The following SLC8A3 variants were observed in gnomAD, a reference collection of about 807,000 sequenced individuals.
SLC8A3 encodes the protein sodium/calcium exchanger 3.
A neutral mutation model predicts 65.4 loss-of-function variants in SLC8A3; 37 were observed. The ratio of observed to expected loss-of-function variants is 0.57; its 90% confidence interval spans 0.44 to 0.74. The LOEUF is 0.74. SLC8A3 is among the 30% of genes least tolerant of loss of function. The probability of loss-of-function intolerance (pLI) is 0.00; values close to 1 mark genes in which losing one functional copy is unlikely to be tolerated. For synonymous variants in SLC8A3, 461 were observed against 444.5 expected (o/e 1.04, Z -0.47); for missense variants, 1,112 against 1,172.1 (o/e 0.95, Z 0.75).
At chr14:70,165,408 C>A (rs147653225) in intron 2 of SLC8A3, among the ~76,000 whole-genome samples, 23 of 152,286 alleles carry the variant, frequency 1.5e-4, no homozygotes, top group African/African-American at 4.6e-4. Context: ...TCCTCCTCCT[C>A]TTCTAGAGGT....
intron 1 of SLC8A3, among the ~76,000 whole-genome samples, chr14:70,182,500 G>A (rs1021007716): frequency 6.6e-6 from 1 of 152,032 alleles, no homozygotes; most frequent in Admixed American, 6.6e-5. Flanking sequence ...TGTGAAAGAA[G>A]CTGAAAGAGG....
At chr14:70,141,481 T>G (rs1176253117) in intron 2 of SLC8A3, among the ~76,000 whole-genome samples, 1 of 152,224 alleles carries the variant, frequency 6.6e-6, no homozygotes, top group Non-Finnish European at 1.5e-5. Context: ...TTACATTTAT[T>G]ACAGGGAGAT....
At chr14:70,120,247 A>T (rs1893963890) in intron 2 of SLC8A3, among the ~76,000 whole-genome samples, 1 of 152,258 alleles carries the variant, frequency 6.6e-6, no homozygotes, top group Non-Finnish European at 1.5e-5. Context: ...TTCTGCAGCT[A>T]GCGTGAAATA....
intron 2 of SLC8A3, among the ~76,000 whole-genome samples, chr14:70,102,773 G>GA (rs1165473601): frequency 2.6e-5 from 4 of 151,920 alleles, no homozygotes; most frequent in African/African-American, 9.7e-5. Context: ...AGAACATAGA[G>GA]AAAAAAATTG....
chr14:70,110,874 GTT>G (rs533153381), intron 2 of SLC8A3, among the ~76,000 whole-genome samples: 26 of 151,862 alleles, frequency 1.7e-4, no homozygotes, highest in Non-Finnish European at 3.2e-4. Flanking sequence ...TAGAGACGGG[GTT>G]TTACCGTGTT....
At chr14:70,174,662 G>GTTTTTTTTTTTTT (rs10527244) in intron 1 of SLC8A3, among the ~76,000 whole-genome samples, 19 of 66,518 alleles carry the variant, frequency 2.9e-4, no homozygotes, top group African/African-American at 4.6e-4. Flanking sequence ...TTTTTTTTTT[G>GTTTTTTTTTTTTT]TTTTTTTTTT....
intron 2 of SLC8A3, among the ~76,000 whole-genome samples, chr14:70,159,562 A>G (rs1896765493): frequency 6.6e-6 from 1 of 152,216 alleles, no homozygotes; most frequent in South Asian, 2.1e-4. Flanking sequence ...TTCATGTCCC[A>G]TCCAAAAACC....
chr14:70,061,495 A>C (rs1437298522), intron 2 of SLC8A3, among the ~76,000 whole-genome samples: 1 of 151,910 alleles, frequency 6.6e-6, no homozygotes, highest in East Asian at 1.9e-4. Flanking sequence ...TTAAAAGAAA[A>C]GTATTTATGA....
intron 2 of SLC8A3, among the ~76,000 whole-genome samples, chr14:70,068,916 G>A (rs1362268061): frequency 1.3e-5 from 2 of 151,982 alleles, no homozygotes; most frequent in South Asian, 2.1e-4. Flanking sequence ...TTCTAGAGAC[G>A]AGGTGTCACC....
intron 2 of SLC8A3, among the ~76,000 whole-genome samples, chr14:70,069,326 A>G (rs1889783035): frequency 6.6e-6 from 1 of 152,136 alleles, no homozygotes; most frequent in South Asian, 2.1e-4. Flanking sequence ...CATGCCAGAA[A>G]TAATCTCTGA....
intron 2 of SLC8A3, among the ~76,000 whole-genome samples, chr14:70,107,342 T>A (rs1892943139): frequency 6.6e-6 from 1 of 152,136 alleles, no homozygotes; most frequent in African/African-American, 2.4e-5. Flanking sequence ...ATACTTTTTA[T>A]CAGAATCCTT....
chr14:70,154,345 A>G (rs1896448839), intron 2 of SLC8A3, among the ~76,000 whole-genome samples: 1 of 152,264 alleles, frequency 6.6e-6, no homozygotes, highest in African/African-American at 2.4e-5. Flanking sequence ...TTAAAAGTGC[A>G]CAAAGTGTAA....
intron 3 of SLC8A3, among the ~76,000 whole-genome samples, chr14:70,055,149 T>C (rs556185864): frequency 6.6e-6 from 1 of 152,056 alleles, no homozygotes; most frequent in South Asian, 2.1e-4. Context: ...CAAAATAAAT[T>C]CTCTAAAATT....
intron 1 of SLC8A3, among the ~76,000 whole-genome samples, chr14:70,182,564 G>A (rs1882845202): frequency 6.6e-6 from 1 of 151,712 alleles, no homozygotes; most frequent in East Asian, 1.9e-4. Flanking sequence ...GAGAGAGAGA[G>A]AAAGAGGGAG....
chr14:70,080,442 G>A (rs746237055), intron 2 of SLC8A3, among the ~76,000 whole-genome samples: 5 of 152,144 alleles, frequency 3.3e-5, no homozygotes, highest in Admixed American at 6.5e-5. Context: ...GTAAAGGCTC[G>A]CAGGAAAAGA....
At chr14:70,137,353 A>T (rs1895270127) in intron 2 of SLC8A3, among the ~76,000 whole-genome samples, 1 of 152,000 alleles carries the variant, frequency 6.6e-6, no homozygotes, top group African/African-American at 2.4e-5. Flanking sequence ...GGGTTTCACC[A>T]TGTTGGTCTT....
intron 1 of SLC8A3, among the ~76,000 whole-genome samples, chr14:70,179,627 T>TCGTGAGTCTAATTCTATGTTG (rs1487789867): frequency 6.6e-6 from 1 of 151,962 alleles, no homozygotes. Flanking sequence ...ACATAGTGTT[T>TCGTGAGTCTAATTCTATGTTG]GGACAGAAGT....
At position 70,094,830 on chromosome 14, in the gene SLC8A3, CT is replaced by C. The variant is rs1389705983; in HGVS notation, c.1785-33892del. ...CAGGGCTGCTTATGTTTTCAAAGCACTTTCTCTTCTTTTATCTGTTTTTCCT... is the reference window on the plus strand; with the variant it reads ...CAGGGCTGCTTATGTTTTCAAAGCACTTCTCTTCTTTTATCTGTTTTTCCT... On this transcript the variant is annotated intron_variant, in intron 2 of 6. Coordinates refer to ENST00000356921, the MANE Select transcript of SLC8A3 (RefSeq NM_182932.3). Among the ~76,000 whole-genome samples the C allele has an allele frequency of 2.0e-5, 3 of 152,352 alleles. No individual in the cohort carries two copies. The East Asian group carries it at 5.8e-4, about 29-fold the overall frequency.
At chr14:70,065,142 T>G (rs1277188336) in intron 2 of SLC8A3, among the ~76,000 whole-genome samples, 1 of 152,200 alleles carries the variant, frequency 6.6e-6, no homozygotes, top group East Asian at 1.9e-4. Flanking sequence ...GACTGAGGCC[T>G]TCAGTCTCCT....
Sources: gnomAD v4.1 joint callset for allele counts (sites outside exome capture counted in the v4.1 genomes callset) on GRCh38, gnomAD v4.1.1 for gene constraint, MANE v1.5 for transcripts, NCBI Gene and HGNC (gene_info 2026-07-23, HGNC 2026-07-21) for gene names.